PLEKHA6: variants seen among roughly 807,000 people sequenced by gnomAD.
The protein encoded by PLEKHA6 is pleckstrin homology domain-containing family A member 6.
PLEKHA6 carries 60 observed loss-of-function variants against 116.7 expected under a neutral mutation model. The ratio of observed to expected loss-of-function variants is 0.51; its 90% confidence interval spans 0.42 to 0.64. The LOEUF (loss-of-function observed/expected upper bound fraction) is 0.64, where lower values mean the gene tolerates loss of function less well. PLEKHA6 is among the 30% of genes least tolerant of loss of function. The pLI is 0.00. For synonymous variants in PLEKHA6, 489 were observed against 556.1 expected (o/e 0.88, Z 1.70); for missense variants, 1,338 against 1,422.7 (o/e 0.94, Z 0.96).
chr1:204,229,594 T>C (rs923022027), intron 18 of PLEKHA6, among the ~76,000 whole-genome samples: 5 of 152,100 alleles, frequency 3.3e-5, no homozygotes, highest in African/African-American at 4.8e-5. Flanking sequence ...TAAACATGTT[T>C]TTATAGAGAT....
intron 15 of PLEKHA6, chr1:204,242,989 C>T (rs368311462): frequency 5.0e-5 from 20 of 398,590 alleles, no homozygotes; most frequent in East Asian, 1.1e-4. Flanking sequence ...GCAGGGGTGC[C>T]GTAGAAACCG....
At chr1:204,320,213 T>C (rs1376541650) in intron 1 of PLEKHA6, among the ~76,000 whole-genome samples, 1 of 152,212 alleles carries the variant, frequency 6.6e-6, no homozygotes, top group African/African-American at 2.4e-5. Flanking sequence ...TGTCCACCTA[T>C]TTAATGGAGG....
rs538599904 is a variant in PLEKHA6, at chr1:204,343,670, T to C, written c.-95+16024A>G. Among the ~76,000 whole-genome samples, 5 of 152,308 alleles carry C rather than the reference T, an allele frequency of 3.3e-5. No homozygotes were observed. In the South Asian group the frequency reaches 6.2e-4, roughly 19 times the overall value. ...ACTTAAGCTCAACATTAAGGAATGA[T>C]ACAAGTTGAAACTGTCTATAACAAT... is the stretch of plus-strand genomic sequence containing the variant. On this transcript the variant is annotated intron_variant, in intron 1 of 22. Transcript: ENST00000272203.
chr1:204,334,380 T>G (rs1370142128), intron 1 of PLEKHA6, among the ~76,000 whole-genome samples: 1 of 152,196 alleles, frequency 6.6e-6, no homozygotes, highest in Non-Finnish European at 1.5e-5. Context: ...TAATTACCTA[T>G]GACATACATT....
intron 15 of PLEKHA6, among the ~76,000 whole-genome samples, chr1:204,243,752 AT>A (rs1663193844): frequency 6.6e-6 from 1 of 152,138 alleles, no homozygotes; most frequent in South Asian, 2.1e-4. Context: ...GGTCCATAGG[AT>A]GCTGGGCTCC....
At chr1:204,250,670 A>T in intron 9 of PLEKHA6, 56 bp from the exon 10 acceptor site, 1 of 1,181,664 alleles carries the variant, frequency 8.5e-7, no homozygotes, top group Non-Finnish European at 1.3e-6. Flanking sequence ...GTATGCAGGG[A>T]TAGGAAGCTA....
rs1465261841 is a variant in PLEKHA6 at position 204,241,466 on chromosome 1, G to C, written c.2318C>G (p.Pro773Arg). 4.4e-6 allele frequency: 7 copies of C among 1,605,264 alleles called. No individual in the cohort carries two copies. The highest frequency in any genetic ancestry group is 6.0e-6 in the Non-Finnish European group (7 of 1,175,738). The change falls in exon 17 of 23, where the codon CCT becomes CGT. Residue 773 changes from proline to arginine, a missense_variant. Coordinates refer to ENST00000272203, the MANE Select transcript of PLEKHA6 (RefSeq NM_014935.5). ...ATCATCAGTGGGCGATTTTGTCCGAGGGGGCACAACGCCAACTGCAGAAAG... is the reference window on the plus strand; with the variant it reads ...ATCATCAGTGGGCGATTTTGTCCGACGGGGCACAACGCCAACTGCAGAAAG... ...AALNKVGVVP[P>R]RTKSPTDDEV...
At chr1:204,367,495 G>C (rs115151866) in intron 3 of PLEKHA6, among the ~76,000 whole-genome samples, 1 of 152,006 alleles carries the variant, frequency 6.6e-6, no homozygotes, top group Admixed American at 6.6e-5. Flanking sequence ...GAACAGCCTC[G>C]TTCCTCTACT....
rs572618559 is a variant in PLEKHA6 at position 204,376,667 on chromosome 1, G to A, written c.83+916C>T. On this transcript the variant is annotated intron_variant, in intron 1 of 4. Coordinates refer to the PLEKHA6 transcript ENST00000564627. ...GCTGAGTCCCAGCTCTGATTAACAC[G>A]TGGTTTTCTCTTAGACCGGTACTTC... Among the ~76,000 whole-genome samples the A allele has an allele frequency of 2.0e-5, 3 of 152,328 alleles. No homozygotes were observed. In the East Asian group the frequency reaches 5.8e-4, roughly 29 times the overall value.
At chr1:204,256,886 A>G in intron 9 of PLEKHA6, 1 of 641,276 alleles carries the variant, frequency 1.6e-6, no homozygotes, top group South Asian at 1.8e-5. Context: ...CCAGGTAATC[A>G]TACTGGAAGA....
chr1:204,336,913 G>A (rs139241878), intron 1 of PLEKHA6, among the ~76,000 whole-genome samples: 3 of 152,302 alleles, frequency 2.0e-5, no homozygotes, highest in East Asian at 3.9e-4. Flanking sequence ...CTCTGGCAGG[G>A]CAGTTTGCTG....
Position 204,222,001 on chromosome 1 carries a change from C to G in PLEKHA6, c.*787G>C, listed in dbSNP as rs1255208132. On this transcript the variant is annotated 3_prime_UTR_variant, in exon 23 of 23. Transcript: ENST00000272203. ...CTTGCCAATGTGTCCTGCTGCTTCCCCCTCCTTCCACTCTGAGGATCTCTC... is the reference window on the plus strand; with the variant it reads ...CTTGCCAATGTGTCCTGCTGCTTCCGCCTCCTTCCACTCTGAGGATCTCTC... 7.8e-6 allele frequency: 1 copy of G among 128,410 alleles called. No individual in the cohort carries two copies. The highest frequency in any genetic ancestry group is 1.7e-5 in the Non-Finnish European group (1 of 59,796). 8.0% of individuals were successfully genotyped at this position (128,410 alleles called of 1,614,324 possible).
intron 1 of PLEKHA6, among the ~76,000 whole-genome samples, chr1:204,310,020 TCTC>T (rs1671599583): frequency 2.0e-5 from 3 of 151,900 alleles, no homozygotes; most frequent in African/African-American, 7.3e-5. Context: ...AAAACATCAT[TCTC>T]CTTTTGATTT....
At chr1:204,290,473 A>G (rs1669630520) in intron 1 of PLEKHA6, among the ~76,000 whole-genome samples, 1 of 152,210 alleles carries the variant, frequency 6.6e-6, no homozygotes, top group Non-Finnish European at 1.5e-5. Context: ...ACACATGAAA[A>G]CAAACAAACA....
Position 204,228,306 on chromosome 1 carries a change from G to T in PLEKHA6, c.2886-78C>A. 6.9e-7 allele frequency: 1 copy of T among 1,445,822 alleles called. No homozygotes were observed. The highest frequency in any genetic ancestry group is 9.4e-7 in the Non-Finnish European group (1 of 1,064,908). The allele number at this position is 1,445,822 out of a possible 1,614,324, so 89.6% of individuals were successfully genotyped here. On this transcript the variant is annotated intron_variant, in intron 20 of 22. Transcript: ENST00000272203. This position sits in a 1 kb window ranked among gnomAD's most constrained non-coding sequence, Gnocchi z 4.0. ...GGCTTGAGGGGGCCTGCGGACTGAG[G>T]TTGGCAGGGAGGGCCAGGGCCCCGT...
intron 15 of PLEKHA6, 66 bp from the exon 16 acceptor site, chr1:204,241,880 T>C: frequency 1.3e-6 from 2 of 1,547,436 alleles, no homozygotes; most frequent in Non-Finnish European, 1.8e-6. Context: ...CCCCCAGTGA[T>C]GTTTCTTTGT....
intron 1 of PLEKHA6, among the ~76,000 whole-genome samples, chr1:204,328,748 C>T (rs1345703929): frequency 6.6e-6 from 1 of 152,226 alleles, no homozygotes; most frequent in Non-Finnish European, 1.5e-5. Context: ...CACAGTCTTG[C>T]AGCTAGATAC....
rs145771396 is a variant in PLEKHA6 at position 204,322,281 on chromosome 1, G to A, written c.-95+37413C>T. Among the ~76,000 whole-genome samples the A allele has an allele frequency of 7.1e-3, 1,084 of 152,168 alleles. 58 individuals carry two copies. The highest frequency in any genetic ancestry group is 0.066 in the Admixed American group (1,006 of 15,288). On this transcript the variant is annotated intron_variant, in intron 1 of 22. Coordinates refer to ENST00000272203, the MANE Select transcript of PLEKHA6 (RefSeq NM_014935.5). ...CCAATTTAACACACTAACAATGAGC[G>A]CCTATTTGTGCCCAGACTCCTTGTT...
chr1:204,311,133 G>A (rs765617920), intron 1 of PLEKHA6, among the ~76,000 whole-genome samples: 11 of 152,178 alleles, frequency 7.2e-5, no homozygotes, highest in Non-Finnish European at 1.5e-4. Context: ...TCCACAGGCC[G>A]CTTGAACTCC....
Sources: gnomAD v4.1 joint callset for allele counts (sites outside exome capture counted in the v4.1 genomes callset) on GRCh38, gnomAD v4.1.1 for gene constraint, Gnocchi (gnomAD v3.1) non-coding constraint, MANE v1.5 for transcripts, NCBI Gene and HGNC (gene_info 2026-07-23, HGNC 2026-07-21) for gene names.